Variants in GRM8 observed in about 807,000 individuals in gnomAD.
GRM8 encodes the protein glutamate metabotropic receptor 8.
GRM8 carries 47 observed loss-of-function variants against 87.2 expected under a neutral mutation model. The ratio of observed to expected loss-of-function variants is 0.54; its 90% CI spans 0.43 to 0.69. GRM8 has a LOEUF of 0.69. GRM8 is among the 30% of genes least tolerant of loss of function. The probability of loss-of-function intolerance (pLI) is 0.00; values close to 1 mark genes in which losing one functional copy is unlikely to be tolerated. For synonymous variants in GRM8, 396 were observed against 404.5 expected (o/e 0.98, Z 0.25); for missense variants, 1,019 against 1,139.2 (o/e 0.89, Z 1.52).
intron 8 of GRM8, among the ~76,000 whole-genome samples, chr7:126,569,396 T>C (rs1453136824): frequency 6.6e-6 from 1 of 152,206 alleles, no homozygotes; most frequent in African/African-American, 2.4e-5. Flanking sequence ...CACATGTTTG[T>C]TCCCCCAAGA....
intron 8 of GRM8, among the ~76,000 whole-genome samples, chr7:126,608,051 T>G (rs1798540032): frequency 6.6e-6 from 1 of 152,032 alleles, no homozygotes; most frequent in Non-Finnish European, 1.5e-5. Context: ...AAAAAGCCAG[T>G]GTGCACTAAT....
At chr7:126,643,311 AAAAAAAAAATATATATATATATAT>A (rs1802645057) in intron 7 of GRM8, among the ~76,000 whole-genome samples, 1 of 29,758 alleles carries the variant, frequency 3.4e-5, no homozygotes, top group South Asian at 1.2e-3. Context: ...AAAAAAAAAA[AAAAAAAAAATATATATATATATAT>A]ATATATATAT....
At chr7:127,102,701 T>C (rs958269578) in intron 3 of GRM8, among the ~76,000 whole-genome samples, 13 of 152,040 alleles carry the variant, frequency 8.6e-5, no homozygotes, top group Non-Finnish European at 1.8e-4. Flanking sequence ...AGAGGATGTA[T>C]GGAAAAGCCT....
intron 7 of GRM8, among the ~76,000 whole-genome samples, chr7:126,745,171 T>C (rs1408314287): frequency 6.6e-6 from 1 of 151,646 alleles, no homozygotes; most frequent in East Asian, 1.9e-4. Context: ...ATGTTAGGAT[T>C]CTCTACAATT....
intron 7 of GRM8, among the ~76,000 whole-genome samples, chr7:126,684,955 G>A (rs1808001902): frequency 6.6e-6 from 1 of 152,186 alleles, no homozygotes; most frequent in Non-Finnish European, 1.5e-5. Context: ...ATCCAGAGCA[G>A]CTGTTGCCAT....
rs188460288 is a variant in GRM8 at position 126,615,482 on chromosome 7, C to A, written c.1358-5984G>T. 8.6e-4 allele frequency among the ~76,000 whole-genome samples: 131 copies of A among 152,286 alleles called. 1 individual carries two copies. The highest frequency in any genetic ancestry group is 1.5e-3 in the African/African-American group (63 of 41,560). On this transcript the variant is annotated intron_variant, in intron 7 of 10. Coordinates refer to ENST00000339582, the MANE Select transcript of GRM8 (RefSeq NM_000845.3). ...CAGCATCAACTATTAAGCAAAATAA[C>A]CAGCTAACATCATAATGACAGGATC... is the stretch of plus-strand genomic sequence containing the variant.
chr7:127,178,896 A>G (rs996448484), intron 2 of GRM8, among the ~76,000 whole-genome samples: 1 of 152,204 alleles, frequency 6.6e-6, no homozygotes, highest in African/African-American at 2.4e-5. Context: ...TCTTTAAAGC[A>G]TAAATCACAC....
chr7:127,200,386 A>G (rs1261754295), intron 2 of GRM8, among the ~76,000 whole-genome samples: 1 of 152,214 alleles, frequency 6.6e-6, no homozygotes, highest in African/African-American at 2.4e-5. Context: ...ATAAGACCTC[A>G]TATACTTTTT....
intron 6 of GRM8, among the ~76,000 whole-genome samples, chr7:126,889,641 ATGT>A (rs1172132013): frequency 6.6e-5 from 10 of 152,232 alleles, no homozygotes; most frequent in South Asian, 2.1e-4. Context: ...TCTGAATGAA[ATGT>A]TGTTGAAAAG....
In GRM8 at chr7:126,694,609, T is replaced by C. The variant is rs17150104; in HGVS notation, c.1357+75256A>G. Among the ~76,000 whole-genome samples, 1,514 of 152,324 alleles carry C rather than the reference T, an allele frequency of 9.9e-3. 23 individuals are homozygous for C. The highest frequency in any genetic ancestry group is 0.034 in the African/African-American group (1,422 of 41,568). On this transcript the variant is annotated intron_variant, in intron 7 of 10. Transcript: ENST00000339582. ...AATTGCCTTATAACTGTTATACATA[T>C]GGAAAATTGTTAGCATGCCTTAAAG...
chr7:127,132,914 A>G (rs1485480574), intron 2 of GRM8, among the ~76,000 whole-genome samples: 3 of 152,174 alleles, frequency 2.0e-5, no homozygotes. Flanking sequence ...TTGGTAGAGT[A>G]ATAGCTGGGA....
At chr7:127,013,545 G>GGGGGAT (rs1252717277) in intron 3 of GRM8, among the ~76,000 whole-genome samples, 8 of 151,724 alleles carry the variant, frequency 5.3e-5, no homozygotes, top group Non-Finnish European at 1.2e-4. Flanking sequence ...GATGGGGGAT[G>GGGGGAT]GGGGCAGTGG....
At chr7:126,626,520 C>T (rs1483071249) in intron 7 of GRM8, among the ~76,000 whole-genome samples, 1 of 151,984 alleles carries the variant, frequency 6.6e-6, no homozygotes, top group Non-Finnish European at 1.5e-5. Context: ...TGGAGCAATG[C>T]TTCTATTTTA....
At chr7:127,004,424 C>T (rs1407930853) in intron 3 of GRM8, among the ~76,000 whole-genome samples, 1 of 151,162 alleles carries the variant, frequency 6.6e-6, no homozygotes, top group Non-Finnish European at 1.5e-5. Flanking sequence ...GACACAGAAA[C>T]AAAAACAATT....
intron 7 of GRM8, among the ~76,000 whole-genome samples, chr7:126,626,109 T>TGTGTGTGTGTGC (rs1290480214): frequency 6.6e-6 from 1 of 151,832 alleles, no homozygotes; most frequent in Non-Finnish European, 1.5e-5. Flanking sequence ...GAAGTGTGTG[T>TGTGTGTGTGTGC]GTGTGTGTGT....
At position 126,498,906 on chromosome 7, in the gene GRM8, C is replaced by A. The variant is rs530840855; in HGVS notation, c.2430+34046G>T. On this transcript the variant is annotated intron_variant, in intron 9 of 10. Transcript: ENST00000339582. ...AATTAGATGAAATCAAAGTTATTGA[C>A]CTATAGTGAATCTCTTCTACATTTA... Among the ~76,000 whole-genome samples, 42 of 151,866 alleles carry A rather than the reference C, an allele frequency of 2.8e-4. 1 individual carries two copies. The highest frequency in any genetic ancestry group is 8.7e-4 in the African/African-American group (36 of 41,470).
At chr7:126,619,230 T>G (rs945383979) in intron 7 of GRM8, among the ~76,000 whole-genome samples, 6 of 152,156 alleles carry the variant, frequency 3.9e-5, no homozygotes, top group African/African-American at 1.4e-4. Context: ...TGTAGGGACA[T>G]GGATGAAGCT....
intron 8 of GRM8, among the ~76,000 whole-genome samples, chr7:126,556,499 T>C (rs1469654960): frequency 6.6e-6 from 1 of 151,940 alleles, no homozygotes; most frequent in Non-Finnish European, 1.5e-5. Flanking sequence ...ATACAAAAAT[T>C]AGCCAGGTGT....
intron 6 of GRM8, among the ~76,000 whole-genome samples, chr7:126,896,301 G>T (rs569668540): frequency 3.9e-4 from 59 of 151,908 alleles, no homozygotes; most frequent in African/African-American, 1.3e-3. Context: ...TTTTACTTGC[G>T]AAGAACAAGA....
Sources: gnomAD v4.1 joint callset for allele counts (sites outside exome capture counted in the v4.1 genomes callset) on GRCh38, gnomAD v4.1.1 for gene constraint, MANE v1.5 for transcripts, NCBI Gene and HGNC (gene_info 2026-07-23, HGNC 2026-07-21) for gene names.